Variants in CSMD1 observed in about 807,000 individuals in gnomAD.
The protein encoded by CSMD1 is CUB and sushi domain-containing protein 1.
CSMD1 carries 213 observed loss-of-function variants against 417.5 expected under a neutral mutation model. The observed-to-expected ratio is 0.51, with a 90% confidence interval of 0.46 to 0.57. CSMD1 has a LOEUF of 0.57. Among genes scored for constraint, CSMD1 ranks in the 20% least tolerant of loss-of-function variants. The pLI, the probability that CSMD1 is intolerant of heterozygous loss-of-function variation, is 0.00. For missense variants in CSMD1, 6,923 were observed against 4,529.7 expected, an observed-to-expected ratio of 1.53 and a Z score of -15.17; for synonymous variants, 2,862 against 1,736.8, an observed-to-expected ratio of 1.65 and a Z score of -16.11.
At chr8:4,122,889 A>G (rs990401554) in intron 3 of CSMD1, among the ~76,000 whole-genome samples, 8 of 152,204 alleles carry the variant, frequency 5.3e-5, no homozygotes, top group African/African-American at 1.9e-4. Flanking sequence ...TCCTGAAGAA[A>G]CTAATAGCTA....
At chr8:3,437,938 A>G (rs1358244110) in intron 12 of CSMD1, among the ~76,000 whole-genome samples, 1 of 152,028 alleles carries the variant, frequency 6.6e-6, no homozygotes, top group East Asian at 1.9e-4. Context: ...ACAGGGTTTC[A>G]TCATGTTGGC....
At chr8:3,419,619 C>T (rs1356156680) in intron 12 of CSMD1, among the ~76,000 whole-genome samples, 1 of 151,978 alleles carries the variant, frequency 6.6e-6, no homozygotes, top group African/African-American at 2.4e-5. Flanking sequence ...AGATTCGTAA[C>T]CCCTTTTATC....
intron 1 of CSMD1, among the ~76,000 whole-genome samples, chr8:4,788,836 T>C (rs868313653): frequency 3.3e-5 from 5 of 152,202 alleles, no homozygotes; most frequent in Middle Eastern, 3.2e-3. Flanking sequence ...CATTTTAAAT[T>C]TATGACACAG....
chr8:4,827,416 A>C (rs183205788), intron 1 of CSMD1, among the ~76,000 whole-genome samples: 3 of 152,282 alleles, frequency 2.0e-5, no homozygotes, highest in East Asian at 1.9e-4. Context: ...CTGGATGAAG[A>C]GAAAAGCTCG....
chr8:4,561,024 A>T (rs1401456108), intron 2 of CSMD1, among the ~76,000 whole-genome samples: 2 of 152,218 alleles, frequency 1.3e-5, no homozygotes, highest in Non-Finnish European at 2.9e-5. Flanking sequence ...GTATATATTC[A>T]ACCCATACCA....
intron 21 of CSMD1, among the ~76,000 whole-genome samples, chr8:3,348,569 G>C (rs28591544): frequency 6.6e-6 from 1 of 152,030 alleles, no homozygotes; most frequent in Admixed American, 6.5e-5. Context: ...ACCATTGTTT[G>C]TCTGCATTTT....
At chr8:4,337,410 T>A (rs1800233123) in intron 3 of CSMD1, among the ~76,000 whole-genome samples, 1 of 152,134 alleles carries the variant, frequency 6.6e-6, no homozygotes, top group Non-Finnish European at 1.5e-5. Flanking sequence ...TGTTTCAGAC[T>A]GCTTTTCTAT....
At chr8:3,291,523 A>G (rs1383747615) in intron 25 of CSMD1, among the ~76,000 whole-genome samples, 3 of 152,134 alleles carry the variant, frequency 2.0e-5, no homozygotes, top group Non-Finnish European at 4.4e-5. Flanking sequence ...TGGTCTATTC[A>G]GAGATTCAAC....
intron 5 of CSMD1, among the ~76,000 whole-genome samples, chr8:3,798,338 G>A (rs1421670287): frequency 6.6e-6 from 1 of 151,960 alleles, no homozygotes; most frequent in Non-Finnish European, 1.5e-5. Context: ...CAGTATATCT[G>A]ATGGCAGTAA....
chr8:3,110,368 T>G, intron 42 of CSMD1, 33 bp from the exon 43 acceptor site: 1 of 1,546,578 alleles, frequency 6.5e-7, no homozygotes, highest in Non-Finnish European at 8.7e-7. Context: ...ACAAGCGCCA[T>G]ACAGCTGATT....
intron 33 of CSMD1, 66 bp downstream of exon 33, chr8:3,199,648 C>G: frequency 3.9e-6 from 4 of 1,020,718 alleles, no homozygotes; most frequent in Admixed American, 5.0e-5. Flanking sequence ...TTGTCTGAGA[C>G]TAGCCGTGGG....
intron 1 of CSMD1, among the ~76,000 whole-genome samples, chr8:4,921,585 T>C (rs916817756): frequency 1.3e-5 from 2 of 152,194 alleles, no homozygotes; most frequent in Non-Finnish European, 2.9e-5. Context: ...TAACATACAA[T>C]GCATATTTTC....
At chr8:4,795,745 G>C (rs568189130) in intron 1 of CSMD1, among the ~76,000 whole-genome samples, 3 of 152,076 alleles carry the variant, frequency 2.0e-5, no homozygotes, top group Non-Finnish European at 4.4e-5. Context: ...CAGGGCTCTT[G>C]TCAGTTACCT....
intron 3 of CSMD1, among the ~76,000 whole-genome samples, chr8:4,300,616 G>A (rs1041743977): frequency 2.0e-5 from 3 of 152,106 alleles, no homozygotes; most frequent in African/African-American, 7.2e-5. Context: ...CATGTGCCAT[G>A]CTGGTGTGCT....
intron 3 of CSMD1, among the ~76,000 whole-genome samples, chr8:4,153,855 A>T (rs542940183): frequency 1.3e-5 from 2 of 152,356 alleles, no homozygotes; most frequent in East Asian, 3.9e-4. Context: ...GACCGTAGCT[A>T]TGTGGCTTTC....
chr8:3,517,953 A>C (rs764802968), intron 10 of CSMD1, among the ~76,000 whole-genome samples: 4 of 152,220 alleles, frequency 2.6e-5, no homozygotes, highest in Non-Finnish European at 4.4e-5. Flanking sequence ...TCAAATCTTC[A>C]TGAATTATTA....
chr8:3,504,184 G>A (rs1166247956), intron 10 of CSMD1, among the ~76,000 whole-genome samples: 1 of 152,092 alleles, frequency 6.6e-6, no homozygotes, highest in Non-Finnish European at 1.5e-5. Flanking sequence ...CTGTATACCA[G>A]TATTGAAACA....
chr8:4,499,729 A>G (rs558291475), intron 2 of CSMD1, among the ~76,000 whole-genome samples: 2 of 152,370 alleles, frequency 1.3e-5, no homozygotes, highest in African/African-American at 2.4e-5. Context: ...TGATATGGGC[A>G]TTGACAAGAA....
intron 3 of CSMD1, among the ~76,000 whole-genome samples, chr8:4,325,037 C>G (rs1459055318): frequency 6.6e-6 from 1 of 152,064 alleles, no homozygotes; most frequent in Non-Finnish European, 1.5e-5. Context: ...CACTGTGGCT[C>G]CTTAAAATGG....
Sources: gnomAD v4.1 joint callset for allele counts (sites outside exome capture counted in the v4.1 genomes callset) on GRCh38, gnomAD v4.1.1 for gene constraint, MANE v1.5 for transcripts, NCBI Gene and HGNC (gene_info 2026-07-23, HGNC 2026-07-21) for gene names.